ADAM12: variants seen among roughly 807,000 people sequenced by gnomAD.
The protein encoded by ADAM12 is ADAM metallopeptidase domain 12, also known as disintegrin and metalloproteinase domain-containing protein 12.
Under a neutral mutation model 106.4 loss-of-function variants are expected in ADAM12, and 70 were observed. The observed-to-expected ratio is 0.66, with a 90% CI of 0.54 to 0.80. The LOEUF (loss-of-function observed/expected upper bound fraction) is 0.80, where lower values mean the gene tolerates loss of function less well. Ranked by LOEUF, ADAM12 falls within the 30% of genes least tolerant of loss-of-function variation. The pLI, the probability that ADAM12 is intolerant of heterozygous loss-of-function variation, is 0.00. For synonymous variants in ADAM12, 420 were observed against 433.5 expected, an observed-to-expected ratio of 0.97 and a Z score of 0.39; for missense variants, 1,010 against 1,171.9, an observed-to-expected ratio of 0.86 and a Z score of 2.02.
intron 11 of ADAM12, among the ~76,000 whole-genome samples, chr10:126,086,680 A>AAAAAAAAAAATATATAT (rs1554966976): frequency 4.1e-5 from 1 of 24,272 alleles, no homozygotes; most frequent in Non-Finnish European, 5.9e-5. Context: ...AAAAAAAAAA[A>AAAAAAAAAAATATATAT]ATATATATAT....
intron 17 of ADAM12, among the ~76,000 whole-genome samples, chr10:126,044,896 A>G (rs1954274372): frequency 6.6e-6 from 1 of 152,156 alleles, no homozygotes; most frequent in Admixed American, 6.5e-5. Context: ...CCTGCCCCTC[A>G]TGGCTTCTCT....
intron 2 of ADAM12, among the ~76,000 whole-genome samples, chr10:126,308,334 C>G (rs1316230886): frequency 6.6e-6 from 1 of 152,290 alleles, no homozygotes; most frequent in South Asian, 2.1e-4. Flanking sequence ...GTTGCAAGCC[C>G]CATTCCTCTT....
At chr10:126,116,151 T>C (rs955840149) in intron 6 of ADAM12, among the ~76,000 whole-genome samples, 8 of 152,252 alleles carry the variant, frequency 5.3e-5, no homozygotes, top group Non-Finnish European at 1.0e-4. Flanking sequence ...AGCTGTAAGC[T>C]AAAAGAATTA....
At chr10:126,104,726 C>T (rs1189485634) in intron 8 of ADAM12, among the ~76,000 whole-genome samples, 2 of 152,132 alleles carry the variant, frequency 1.3e-5, no homozygotes, top group African/African-American at 2.4e-5. Flanking sequence ...GTGTTTTGCT[C>T]ATGGGGGGAT....
chr10:126,049,118 C>T lies in ADAM12; in HGVS notation c.1917+135G>A, dbSNP rs1263380398. On this transcript the variant is annotated intron_variant, in intron 16 of 22. Coordinates refer to ENST00000448723, the MANE Select transcript of ADAM12 (RefSeq NM_001288973.2). This position sits in a 1 kb window ranked among gnomAD's most constrained non-coding sequence, Gnocchi z 4.4. ...CAGACCAGGATCTAGGATTTATTGA[C>T]TTTTTCTTCTAGGTGCATCTGAGAA... The T allele has an allele frequency of 8.5e-7, 1 of 1,178,252 alleles. No individual in the cohort carries two copies. Among genetic ancestry groups the T allele is most frequent in the Non-Finnish European group, 1.2e-6 (1 of 825,006 alleles). 73.0% of individuals were successfully genotyped at this position (1,178,252 alleles called of 1,614,324 possible).
At chr10:126,321,702 C>T (rs1423030149) in intron 2 of ADAM12, among the ~76,000 whole-genome samples, 2 of 152,158 alleles carry the variant, frequency 1.3e-5, no homozygotes, top group African/African-American at 4.8e-5. Flanking sequence ...CTGGCGAGTG[C>T]TCACCACGTC....
Position 126,071,530 on chromosome 10 carries a change from A to T in ADAM12, c.1270T>A (p.Cys424Ser), listed in dbSNP as rs766002693. 1.3e-5 allele frequency: 21 copies of T among 1,614,020 alleles called. No individual in the cohort carries two copies. The highest frequency in any genetic ancestry group is 1.8e-5 in the Non-Finnish European group (21 of 1,180,016). The part of the protein sequence containing the change: ...EVRESFGGQK[C>S]GNRFVEEGEE... The stretch of plus-strand genomic sequence containing the variant: ...CCTTCTTCCACAAATCTGTTCCCAC[A>T]CTTCTGGCCCCCGAAAGACTCCCTG... Residue 424 changes from cysteine (C) to serine (S), a missense_variant, in exon 12 of 23, where the codon TGT becomes AGT. Cys to Ser is a moderately radical substitution (Grantham distance 112, BLOSUM62 -1). Transcript: ENST00000448723.
chr10:126,216,517 T>C (rs1045933518), intron 3 of ADAM12, among the ~76,000 whole-genome samples: 11 of 152,344 alleles, frequency 7.2e-5, no homozygotes, highest in Admixed American at 5.2e-4. Context: ...CAGCTTGTGA[T>C]AGATCTGTTG....
intron 4 of ADAM12, 110 bp downstream of exon 4, chr10:126,155,117 C>T: frequency 2.5e-6 from 3 of 1,199,050 alleles, no homozygotes; most frequent in Non-Finnish European, 3.6e-6. Flanking sequence ...CTTGGGGGGG[C>T]CTAAGTTAAG....
chr10:126,296,433 C>T (rs1049503020), intron 2 of ADAM12, among the ~76,000 whole-genome samples: 1 of 152,192 alleles, frequency 6.6e-6, no homozygotes, highest in African/African-American at 2.4e-5. Context: ...CTGTGCCCAG[C>T]CTTTTAAATA....
chr10:126,387,603 C>A (rs2133945550), intron 1 of ADAM12, among the ~76,000 whole-genome samples: 1 of 152,088 alleles, frequency 6.6e-6, no homozygotes, highest in African/African-American at 2.4e-5. Context: ...CGCTGCGCGC[C>A]CCCCTAAGTG....
chr10:126,177,086 T>C (rs1472529099), intron 3 of ADAM12, among the ~76,000 whole-genome samples: 3 of 152,022 alleles, frequency 2.0e-5, no homozygotes, highest in Non-Finnish European at 4.4e-5. Flanking sequence ...CTGGTCATAA[T>C]ACACTTGGTA....
At chr10:126,384,990 G>A (rs774015155) in intron 1 of ADAM12, among the ~76,000 whole-genome samples, 4 of 152,166 alleles carry the variant, frequency 2.6e-5, no homozygotes, top group African/African-American at 4.8e-5. Context: ...ATAAGTTGGG[G>A]GTCCACAACC....
intron 3 of ADAM12, among the ~76,000 whole-genome samples, chr10:126,261,538 C>T (rs1183254209): frequency 2.6e-5 from 4 of 152,086 alleles, no homozygotes; most frequent in Non-Finnish European, 5.9e-5. Flanking sequence ...CAAGCCTATC[C>T]TTTGCGACTG....
At chr10:126,120,665 A>G (rs1326011467) in intron 5 of ADAM12, among the ~76,000 whole-genome samples, 1 of 151,922 alleles carries the variant, frequency 6.6e-6, no homozygotes, top group Non-Finnish European at 1.5e-5. Flanking sequence ...TTGGAGAGTC[A>G]GATGGGGTGA....
intron 3 of ADAM12, among the ~76,000 whole-genome samples, chr10:126,181,275 T>C (rs918954111): frequency 6.6e-6 from 1 of 152,136 alleles, no homozygotes; most frequent in Non-Finnish European, 1.5e-5. Flanking sequence ...TTTCACCATG[T>C]TGGCGAGGCT....
At chr10:126,307,201 C>T (rs1960883511) in intron 2 of ADAM12, among the ~76,000 whole-genome samples, 1 of 152,226 alleles carries the variant, frequency 6.6e-6, no homozygotes, top group African/African-American at 2.4e-5. Flanking sequence ...CAGGTCACTA[C>T]TGAAATTCTG....
chr10:126,118,138 T>C lies in ADAM12; in HGVS notation c.503A>G (p.Lys168Arg). Reference protein sequence around the residue: ...TNRYKLFPAKKLKSVRGSCGS... With the variant: ...TNRYKLFPAKRLKSVRGSCGS... The stretch of plus-strand genomic sequence containing the variant: ...ACATGATCCCCGGACGCTTTTCAGC[T>C]TCTTCGCTGGGAAGAGTTTGTATCT... Residue 168 changes from lysine to arginine, a missense_variant, in exon 6 of 23, where the codon AAG becomes AGG. Around this residue, in one of 3 missense-constraint regions of ADAM12, gnomAD observed 391 missense variants for 442.9 expected, o/e 0.88. Coordinates refer to ENST00000448723, the MANE Select transcript of ADAM12 (RefSeq NM_001288973.2). 1.2e-6 allele frequency: 2 copies of C among 1,614,206 alleles called. No individual in the cohort carries two copies. Among genetic ancestry groups the C allele is most frequent in the Non-Finnish European group, 1.7e-6 (2 of 1,180,012 alleles).
Position 126,013,070 on chromosome 10 carries a change from A to AT in ADAM12, c.*4208dup, listed in dbSNP as rs1384300335. Reference sequence around the variant, plus strand: ...AGCTTTACATTGAGAATTACTTTGTATGTTAAATCTTCTGGCCATCATTAT... The same window carrying AT: ...AGCTTTACATTGAGAATTACTTTGTATTGTTAAATCTTCTGGCCATCATTAT... On this transcript the variant is annotated 3_prime_UTR_variant, in exon 23 of 23. Transcript: ENST00000448723. The surrounding 1 kb of genome is among the most constrained non-coding windows in gnomAD (Gnocchi z 4.3). 12 of 152,232 alleles carry AT rather than the reference A, an allele frequency of 7.9e-5. No individual in the cohort carries two copies. Among genetic ancestry groups the AT allele is most frequent in the Non-Finnish European group, 4.4e-5 (3 of 68,040 alleles). 9.4% of individuals were successfully genotyped at this position (152,232 alleles called of 1,614,324 possible).
Sources: gnomAD v4.1 joint callset for allele counts (sites outside exome capture counted in the v4.1 genomes callset) on GRCh38, gnomAD v4.1.1 for gene constraint, gnomAD v4.1.1 regional missense constraint, Gnocchi (gnomAD v3.1) non-coding constraint, MANE v1.5 for transcripts, NCBI Gene and HGNC (gene_info 2026-07-23, HGNC 2026-07-21) for gene names.